The following POC1B variants were observed in gnomAD, a reference collection of about 807,000 sequenced individuals.
POC1B encodes the protein POC1 centriolar protein B.
In POC1B, 44 loss-of-function variants were observed where a neutral mutation model predicts 60.6. That is an observed-to-expected ratio of 0.73 (90% CI 0.57 to 0.93). The LOEUF is 0.93. Ranked by LOEUF, POC1B falls within the 40% of genes least tolerant of loss-of-function variation. POC1B has a pLI of 0.00. For missense variants in POC1B, 555 were observed against 572.3 expected, an observed-to-expected ratio of 0.97 and a Z score of 0.31; for synonymous variants, 180 against 198.9, an observed-to-expected ratio of 0.90 and a Z score of 0.80.
intron 2 of POC1B, among the ~76,000 whole-genome samples, chr12:89,516,655 A>C (rs745850659): frequency 7.2e-5 from 11 of 152,228 alleles, no homozygotes; most frequent in Non-Finnish European, 1.3e-4. Flanking sequence ...GTAACAAATT[A>C]CCATAAACCT....
At chr12:89,404,760 A>G in the POC1B span, among the ~76,000 whole-genome samples, 1,216 of 152,262 alleles carry the variant, frequency 8.0e-3, 14 homozygotes, top group Non-Finnish European at 0.014. Context: ...AAATTCCTGA[A>G]TTACCTAAAA....
rs140307253 is a variant in POC1B at position 89,507,077 on chromosome 12, C to A, written c.101-9735G>T. Among the ~76,000 whole-genome samples, 8 of 151,768 alleles carry A rather than the reference C, an allele frequency of 5.3e-5. No homozygotes were observed. The East Asian group carries it at 1.6e-3, about 29-fold the overall frequency. ...CTTCAGCCCAGAAGTCTGAGACCAG[C>A]TGGGCAACGTCTCGAAACCCCGTCT... On this transcript the variant is annotated intron_variant, in intron 2 of 11. Coordinates refer to ENST00000313546, the MANE Select transcript of POC1B (RefSeq NM_172240.3).
In POC1B at chr12:89,474,506, G is replaced by A. The variant is rs148366033; in HGVS notation, c.453-2231C>T. Among the ~76,000 whole-genome samples the A allele has an allele frequency of 9.2e-5, 14 of 152,220 alleles. No individual in the cohort carries two copies. In the East Asian group the frequency reaches 1.9e-3, roughly 21 times the overall value. ...TCCTTGAGCACATGTGTCCTAGAACGGTTATTAACACATTACATGTAGCAA... is the reference window on the plus strand; with the variant it reads ...TCCTTGAGCACATGTGTCCTAGAACAGTTATTAACACATTACATGTAGCAA... On this transcript the variant is annotated intron_variant, in intron 4 of 11. Coordinates refer to ENST00000313546, the MANE Select transcript of POC1B (RefSeq NM_172240.3).
rs1375727092 is a variant in POC1B at position 89,502,450 on chromosome 12, AG to A, written c.101-5109del. On this transcript the variant is annotated intron_variant, in intron 2 of 11. Transcript: ENST00000313546. The stretch of plus-strand genomic sequence containing the variant: ...ATCTCCAGGCAAAATATCGTCTAAA[AG>A]GAAGGCAAGAGAAAATATTGGAAAA... The A allele has an allele frequency of 8.9e-6, 11 of 1,230,508 alleles. No homozygotes were observed. The East Asian group carries it at 2.4e-4, about 26-fold the overall frequency. The allele number at this position is 1,230,508 out of a possible 1,614,324, so 76.2% of individuals were successfully genotyped here.
At chr12:89,483,356 C>T (rs756941878) in intron 4 of POC1B, among the ~76,000 whole-genome samples, 8 of 152,120 alleles carry the variant, frequency 5.3e-5, no homozygotes, top group East Asian at 1.9e-4. Flanking sequence ...CCCAGCTCTG[C>T]GGAACTGTGA....
chr12:89,459,609 TCAA>T, intron 10 of POC1B, 26 bp downstream of exon 10: 4 of 578,800 alleles, frequency 6.9e-6, no homozygotes, highest in Non-Finnish European at 7.6e-6. Flanking sequence ...CACTTAAGTG[TCAA>T]AAAAAAAAAA....
chr12:89,441,843 C>G (rs116883365), intron 10 of POC1B, among the ~76,000 whole-genome samples: 2 of 152,136 alleles, frequency 1.3e-5, no homozygotes, highest in African/African-American at 4.8e-5. Flanking sequence ...GAAAGATGTT[C>G]GAACCCATCG....
the POC1B span, among the ~76,000 whole-genome samples, chr12:89,412,638 A>C: frequency 6.1e-4 from 93 of 151,358 alleles, no homozygotes; most frequent in Admixed American, 7.2e-4. Context: ...GATCGCACCA[A>C]TGCACTCCAG....
intron 4 of POC1B, among the ~76,000 whole-genome samples, chr12:89,486,886 T>TTC (rs149180232): frequency 1.6e-4 from 23 of 147,532 alleles, no homozygotes; most frequent in East Asian, 4.2e-4. Context: ...AACTCTCTCT[T>TTC]TCTCTCTCTC....
At chr12:89,489,849 G>A (rs969281883) in intron 4 of POC1B, among the ~76,000 whole-genome samples, 4 of 152,170 alleles carry the variant, frequency 2.6e-5, no homozygotes, top group Non-Finnish European at 5.9e-5. Context: ...TTCTTAGTCA[G>A]GGTAACTGGT....
At chr12:89,512,207 C>T (rs986937463) in intron 2 of POC1B, among the ~76,000 whole-genome samples, 1 of 152,238 alleles carries the variant, frequency 6.6e-6, no homozygotes, top group African/African-American at 2.4e-5. Flanking sequence ...ACTGACAGCA[C>T]TAACTTAAAA....
chr12:89,439,611 T>C (rs1175461345), intron 10 of POC1B, among the ~76,000 whole-genome samples: 1 of 152,172 alleles, frequency 6.6e-6, no homozygotes, highest in African/African-American at 2.4e-5. Flanking sequence ...TTGTTTTATT[T>C]ATTTATTTTT....
rs538224324 is a variant in POC1B, at chr12:89,524,397, G to C, written c.100+723C>G. 22 of 1,614,018 alleles carry C rather than the reference G, an allele frequency of 1.4e-5. No individual in the cohort carries two copies. In the South Asian group the frequency reaches 2.2e-4, roughly 16 times the overall value. On this transcript the variant is annotated intron_variant, in intron 2 of 11. Transcript: ENST00000313546. ...ACAAATCCTCCGTATTTTTCTGGAGGTCTGAGAGCCTTCTTGACCCCAGCT... is the reference window on the plus strand; with the variant it reads ...ACAAATCCTCCGTATTTTTCTGGAGCTCTGAGAGCCTTCTTGACCCCAGCT...
At chr12:89,517,026 G>A (rs1870473048) in intron 2 of POC1B, among the ~76,000 whole-genome samples, 1 of 152,056 alleles carries the variant, frequency 6.6e-6, no homozygotes, top group Non-Finnish European at 1.5e-5. Flanking sequence ...AGGTTCCAAG[G>A]ACTACGACAT....
chr12:89,525,612 G>A (rs1388797452), intron 1 of POC1B: 3 of 1,283,194 alleles, frequency 2.3e-6, no homozygotes, highest in Non-Finnish European at 2.9e-6. Flanking sequence ...GAAACCCTCC[G>A]AGAATTCTGG....
At chr12:89,448,279 T>A (rs1019666838) in intron 10 of POC1B, among the ~76,000 whole-genome samples, 6 of 151,894 alleles carry the variant, frequency 4.0e-5, no homozygotes, top group Admixed American at 3.3e-4. Context: ...ATCTCCATTT[T>A]AAAAAACAAC....
At chr12:89,524,546 C>A (rs757547184) in intron 2 of POC1B, 2 of 1,611,240 alleles carry the variant, frequency 1.2e-6, no homozygotes, top group Admixed American at 3.3e-5. Flanking sequence ...CACCTCACCG[C>A]CATCCGGATT....
At chr12:89,523,668 C>G (rs1418445777) in intron 2 of POC1B, 1 of 1,538,170 alleles carries the variant, frequency 6.5e-7, no homozygotes, top group Admixed American at 2.2e-5. Flanking sequence ...TCCGCCTGTC[C>G]CTTTCCTGTT....
intron 10 of POC1B, among the ~76,000 whole-genome samples, chr12:89,451,655 TCTTTAGAAGC>T (rs1882046288): frequency 6.6e-6 from 1 of 152,204 alleles, no homozygotes; most frequent in African/African-American, 2.4e-5. Context: ...AGGTTCTAAA[TCTTTAGAAGC>T]CCTAATAATA....
Sources: allele counts gnomAD v4.1 joint callset (sites outside exome capture counted in the v4.1 genomes callset), GRCh38; gene constraint gnomAD v4.1.1; transcripts MANE v1.5; gene names NCBI Gene and HGNC (gene_info 2026-07-23, HGNC 2026-07-21).